The following MRI1 variants were observed in gnomAD, a reference collection of about 807,000 sequenced individuals.
The protein encoded by MRI1 is methylthioribose-1-phosphate isomerase 1, also known as methylthioribose-1-phosphate isomerase.
MRI1 carries 32 observed loss-of-function variants against 27.3 expected under a neutral mutation model. That is an observed-to-expected ratio of 1.17 (90% CI 0.88 to 1.57). MRI1 has a LOEUF of 1.57. Ranked by LOEUF, MRI1 falls within the 40% of genes most tolerant of loss-of-function variation. The pLI is 0.00. For missense variants in MRI1, 508 were observed against 516.1 expected (o/e 0.98, Z 0.15); for synonymous variants, 216 against 227.4 (o/e 0.95, Z 0.45).
chr19:13,765,953 G>C lies in MRI1; in HGVS notation c.372-1G>C, dbSNP rs773264906. 2.5e-6 allele frequency: 4 copies of C among 1,593,440 alleles called. No individual in the cohort carries two copies. The highest frequency in any genetic ancestry group is 1.7e-4 in the Middle Eastern group (1 of 5,972). On this transcript the variant is annotated splice_acceptor_variant, in intron 2 of 5. Coordinates refer to ENST00000040663, the MANE Select transcript of MRI1 (RefSeq NM_001031727.4). LOFTEE classifies it high-confidence loss of function. ...GTGCTGAAAACTCCTTGTCACCCCA[G>C]AGTGATCTGCTGCACCGAGGACATG... is the stretch of plus-strand genomic sequence containing the variant.
Position 13,772,297 on chromosome 19 carries a change from C to A in MRI1, c.*16C>A. On this transcript the variant is annotated 3_prime_UTR_variant, in exon 6 of 6. Transcript: ENST00000040663. ...CCAGATGTAACCAACTCAGCTCTCC[C>A]TAGCCTGCCTCTCTAGGTTTTTCAA... The A allele has an allele frequency of 6.2e-7, 1 of 1,603,090 alleles. No individual in the cohort carries two copies.
At chr19:13,769,880 A>C (rs146901385) in intron 5 of MRI1, among the ~76,000 whole-genome samples, 2 of 151,892 alleles carry the variant, frequency 1.3e-5, no homozygotes, top group South Asian at 4.2e-4. Flanking sequence ...AGATTACACC[A>C]TTGCACTCCA....
intron 5 of MRI1, among the ~76,000 whole-genome samples, chr19:13,770,282 G>A (rs756945094): frequency 9.9e-5 from 15 of 152,188 alleles, no homozygotes; most frequent in Non-Finnish European, 1.8e-4. Flanking sequence ...ATCAATGACT[G>A]GCCCTTTAAA....
chr19:13,765,337 ACT>A (rs1368520195), intron 2 of MRI1, among the ~76,000 whole-genome samples: 1 of 151,526 alleles, frequency 6.6e-6, no homozygotes, highest in Non-Finnish European at 1.5e-5. Flanking sequence ...CTGAAACCTA[ACT>A]CCTTAATCGT....
rs553681127 is a variant in MRI1, at chr19:13,766,268, A to C, written c.547+139A>C. ...AGTTCTAGTACGGAAACACTTATAC[A>C]GTTGGCTTCAGGTATGGCAAGATCA... On this transcript the variant is annotated intron_variant, in intron 3 of 5. Coordinates refer to ENST00000040663, the MANE Select transcript of MRI1 (RefSeq NM_001031727.4). The C allele has an allele frequency of 2.6e-4, 184 of 711,504 alleles. 2 individuals carry two copies. In the South Asian group the frequency reaches 5.3e-3, roughly 20 times the overall value. The allele number at this position is 711,504 out of a possible 1,614,324, so 44.1% of individuals were successfully genotyped here. A position where few individuals can be genotyped will look rare whatever the true frequency, so the allele number is the denominator to read the frequency against.
In MRI1 at chr19:13,768,668, G is replaced by A. The variant is rs969653996; in HGVS notation, c.655G>A (p.Glu219Lys). 6.2e-7 allele frequency: 1 copy of A among 1,613,860 alleles called. No homozygotes were observed. Residue 219 changes from glutamate (E) to lysine (K), a missense_variant, in exon 4 of 6, where the codon GAG becomes AAG. By Grantham distance (56) the Glu-to-Lys change is moderately conservative. This residue lies in a region of MRI1 where 457 missense variants were observed against 452.8 expected (regional missense o/e 1.01). Coordinates refer to ENST00000040663, the MANE Select transcript of MRI1 (RefSeq NM_001031727.4). ...GCTGACGGCCTTTGAGCTGGTCTAT[G>A]AGCAGATCCCCGCCACCCTTATCAC... The part of the protein sequence containing the change: ...ARLTAFELVY[E>K]QIPATLITDS...
In MRI1 at chr19:13,772,777, G is replaced by A. The variant is rs1974296626; in HGVS notation, c.*496G>A. ...TGGGAGGCAGAGCTTGCAGTGAGCC[G>A]AGATAGCGCCACTGCACTCCAGCCT... On this transcript the variant is annotated 3_prime_UTR_variant, in exon 6 of 6. Transcript: ENST00000040663. 2.6e-5 allele frequency: 4 copies of A among 151,706 alleles called. No individual in the cohort carries two copies. The highest frequency in any genetic ancestry group is 1.9e-4 in the East Asian group (1 of 5,192). 9.4% of individuals were successfully genotyped at this position (151,706 alleles called of 1,614,324 possible). A position where few individuals can be genotyped will look rare whatever the true frequency, so the allele number is the denominator to read the frequency against.
In MRI1 at chr19:13,765,117, G is replaced by C. The variant is rs769321581; in HGVS notation, c.371+8G>C. The C allele has an allele frequency of 5.9e-6, 9 of 1,516,698 alleles. No individual in the cohort carries two copies. The African/African-American group carries it at 9.9e-5, about 17-fold the overall frequency. The allele number at this position is 1,516,698 out of a possible 1,614,324, so 94.0% of individuals were successfully genotyped here. ...AGAGGCGGTCCGGGAGAGGTACGGG[G>C]ATCTGGTACCAGGCACGGCGCTGAG... is the stretch of plus-strand genomic sequence containing the variant. On this transcript the variant is annotated splice_region_variant and intron_variant, in intron 2 of 5. Coordinates refer to ENST00000040663, the MANE Select transcript of MRI1 (RefSeq NM_001031727.4).
Position 13,767,027 on chromosome 19 carries a change from ATATATATATATTTTTTTTTTTTTTTT to A in MRI1, c.547+900_547+925del, listed in dbSNP as rs1448556639. On this transcript the variant is annotated intron_variant, in intron 3 of 5. Coordinates refer to ENST00000040663, the MANE Select transcript of MRI1 (RefSeq NM_001031727.4). ...CATCCACATATATATATATATATAT[ATATATATATATTTTTTTTTTTTTTTT>A]TTTTTTTTTTTTTGAGACAGAGTCT... Among the ~76,000 whole-genome samples, 7 of 17,558 alleles carry A rather than the reference ATATATATATATTTTTTTTTTTTTTTT, an allele frequency of 4.0e-4. 1 individual carries two copies. The highest frequency in any genetic ancestry group is 1.0e-3 in the African/African-American group (5 of 4,804). 11.5% of individuals were successfully genotyped at this position (17,558 alleles called of 152,430 possible).
In MRI1 at chr19:13,768,825, T is replaced by G; in HGVS notation, c.726T>G (p.Ala242=). The change falls in exon 5 of 6, where the codon GCT becomes GCG. Residue 242 remains alanine, a splice_region_variant and synonymous_variant. Coordinates refer to ENST00000040663, the MANE Select transcript of MRI1 (RefSeq NM_001031727.4). The stretch of plus-strand genomic sequence containing the variant: ...ACTTCTCATACGCCCCCTCCCCAGC[T>G]GTGGTCGTGGGAGCTGACCGCGTGG... ...AAAMAHRGVS[A]VVVGADRVVA... 1 of 1,603,196 alleles carries G rather than the reference T, an allele frequency of 6.2e-7. No individual in the cohort carries two copies. Among genetic ancestry groups the G allele is most frequent in the Non-Finnish European group, 8.5e-7 (1 of 1,172,590 alleles).
At chr19:13,766,240 A>G in intron 3 of MRI1, 111 bp downstream of exon 3, 1 of 1,060,564 alleles carries the variant, frequency 9.4e-7, no homozygotes, top group Non-Finnish European at 1.3e-6. Context: ...ATGGGAAGGT[A>G]CTAGTTCTAG....
intron 3 of MRI1, chr19:13,768,277 G>A: frequency 1.3e-6 from 1 of 759,890 alleles, no homozygotes; most frequent in Non-Finnish European, 2.3e-6. Context: ...AGGACAGAGA[G>A]CAGGAAACTG....
In MRI1 at chr19:13,768,560, G is replaced by A; in HGVS notation, c.548-1G>A. 17 of 1,603,530 alleles carry A rather than the reference G, an allele frequency of 1.1e-5. No individual in the cohort carries two copies. Among genetic ancestry groups the A allele is most frequent in the East Asian group, 2.3e-5 (1 of 44,362 alleles). On this transcript the variant is annotated splice_acceptor_variant, in intron 3 of 5. Transcript: ENST00000040663. LOFTEE classifies it high-confidence loss of function. ...TCTCCTGGTGGGTGGGGCCCCCGCA[G>A]GTGTGATTCGCTCACTGCACAGCCT...
intron 5 of MRI1, among the ~76,000 whole-genome samples, chr19:13,769,865 A>G (rs1341728482): frequency 6.6e-6 from 1 of 151,860 alleles, no homozygotes; most frequent in Non-Finnish European, 1.5e-5. Context: ...GGTTGTGGTG[A>G]GCTGAGATTA....
chr19:13,764,628 C>G lies in MRI1; in HGVS notation c.40C>G (p.Gln14Glu). The G allele has an allele frequency of 1.2e-6, 2 of 1,609,418 alleles. No individual in the cohort carries two copies. The highest frequency in any genetic ancestry group is 1.7e-6 in the Non-Finnish European group (2 of 1,179,280). ...EAIRYSRGSL[Q>E]ILDQLLLPKQ... The stretch of plus-strand genomic sequence containing the variant: ...GATCCGCTACTCGCGGGGCTCCCTG[C>G]AGATCCTAGACCAGCTGCTGCTGCC... Residue 14 changes from glutamine to glutamate, a missense_variant, in exon 1 of 6, where the codon CAG (glutamine) becomes GAG (glutamate). Physicochemically the swap from Gln to Glu is conservative, Grantham distance 29. Around this residue, in one of 3 missense-constraint regions of MRI1, gnomAD observed 32 missense variants for 20.2 expected, o/e 1.58. Coordinates refer to ENST00000040663, the MANE Select transcript of MRI1 (RefSeq NM_001031727.4).
rs771299711 is a variant in MRI1, at chr19:13,764,562, A to C, written c.-27A>C. The C allele has an allele frequency of 1.9e-6, 3 of 1,601,976 alleles. No homozygotes were observed. The highest frequency in any genetic ancestry group is 2.6e-6 in the Non-Finnish European group (3 of 1,175,562). On this transcript the variant is annotated 5_prime_UTR_variant, in exon 1 of 6. Transcript: ENST00000040663. The stretch of plus-strand genomic sequence containing the variant: ...GCGCGCGGACCCCTAGCTCCCTCTG[A>C]GTTGCGCTGGGCTTGGCTGCTGCAC...
At chr19:13,769,919 CA>C (rs796381451) in intron 5 of MRI1, among the ~76,000 whole-genome samples, 102 of 130,244 alleles carry the variant, frequency 7.8e-4, no homozygotes, top group Middle Eastern at 3.9e-3. Flanking sequence ...GATTCTGTCT[CA>C]AAAAAAAAAA....
chr19:13,769,154 A>G (rs1974217194), intron 5 of MRI1, 106 bp downstream of exon 5: 1 of 951,962 alleles, frequency 1.1e-6, no homozygotes, highest in East Asian at 2.7e-5. Context: ...CAGCTCCTAC[A>G]AGCCACTTTT....
At position 13,764,936 on chromosome 19, in the gene MRI1, C is replaced by A. The variant is rs745539071; in HGVS notation, c.198C>A (p.Gly66=). Residue 66 remains glycine (G), a synonymous_variant, in exon 2 of 6, where the codon GGC becomes GGA. Transcript: ENST00000040663. ...GCCTCGCCGTGGAGCTGCAGGCGGG[C>A]GCCGGGGGACCGGGACTCGCCGCGC... ...CLSLAVELQA[G]AGGPGLAALV... The A allele has an allele frequency of 6.7e-7, 1 of 1,494,982 alleles. No homozygotes were observed. Among genetic ancestry groups the A allele is most frequent in the Non-Finnish European group, 8.9e-7 (1 of 1,127,788 alleles). 92.6% of individuals were successfully genotyped at this position (1,494,982 alleles called of 1,614,324 possible).
Sources: allele counts gnomAD v4.1 joint callset (sites outside exome capture counted in the v4.1 genomes callset), GRCh38; gene constraint gnomAD v4.1.1; regional missense constraint gnomAD v4.1.1; transcripts MANE v1.5; gene names NCBI Gene and HGNC (gene_info 2026-07-23, HGNC 2026-07-21).